The following SORCS2 variants were observed in gnomAD, a reference collection of about 807,000 sequenced individuals.
SORCS2 encodes sortilin related VPS10 domain containing receptor 2, also known as VPS10 domain-containing receptor SorCS2.
A neutral mutation model predicts 141.6 loss-of-function variants in SORCS2; 100 were observed. The ratio of observed to expected loss-of-function variants is 0.71; its 90% CI spans 0.60 to 0.83. SORCS2 has a LOEUF of 0.83. Among genes scored for constraint, SORCS2 ranks in the 40% least tolerant of loss-of-function variants. The pLI is 0.00. For missense variants in SORCS2, 1,646 were observed against 1,560.2 expected (o/e 1.05, Z -0.93); for synonymous variants, 789 against 676.9 (o/e 1.17, Z -2.57).
intron 2 of SORCS2, among the ~76,000 whole-genome samples, chr4:7,489,544 C>T (rs894761754): frequency 6.6e-6 from 1 of 151,994 alleles, no homozygotes; most frequent in Non-Finnish European, 1.5e-5. Context: ...CTCCTGGCCC[C>T]TGCAGATGTT....
chr4:7,418,847 A>G (rs1700198685), intron 2 of SORCS2, among the ~76,000 whole-genome samples: 1 of 152,006 alleles, frequency 6.6e-6, no homozygotes, highest in African/African-American at 2.4e-5. Context: ...GTAAGCAGCC[A>G]ATTATCTTGG....
chr4:7,264,683 T>G (rs2108830413), intron 1 of SORCS2, among the ~76,000 whole-genome samples: 1 of 152,328 alleles, frequency 6.6e-6, no homozygotes, highest in South Asian at 2.1e-4. Context: ...CCTGGGGCAT[T>G]GGGTGCTGGG....
chr4:7,202,775 C>T (rs73796485), intron 1 of SORCS2, among the ~76,000 whole-genome samples: 2,705 of 152,284 alleles, frequency 0.018, 102 homozygotes, highest in African/African-American at 0.06. Context: ...GTGATAACAT[C>T]TCCTAGGCCT....
chr4:7,648,156 T>G lies in SORCS2; in HGVS notation c.814-5978T>G. ...TGTGGTTGCAGGACCTGGTGGATGGTGGGAAGGAGGGAGGCCATTTACTGA... is the reference window on the plus strand; with the variant it reads ...TGTGGTTGCAGGACCTGGTGGATGGGGGGAAGGAGGGAGGCCATTTACTGA... On this transcript the variant is annotated intron_variant, in intron 4 of 26. Coordinates refer to ENST00000507866, the MANE Select transcript of SORCS2 (RefSeq NM_020777.3). The surrounding 1 kb of genome is among the most constrained non-coding windows in gnomAD (Gnocchi z 4.2). Among the ~76,000 whole-genome samples, 3 of 150,084 alleles carry G rather than the reference T, an allele frequency of 2.0e-5. No homozygotes were observed. The highest frequency in any genetic ancestry group is 3.0e-5 in the Non-Finnish European group (2 of 67,532).
intron 3 of SORCS2, among the ~76,000 whole-genome samples, chr4:7,563,730 G>A (rs1714764341): frequency 1.3e-5 from 2 of 152,178 alleles, no homozygotes; most frequent in African/African-American, 4.8e-5. Context: ...TTGCACAGAT[G>A]GAGTTTATTC....
At chr4:7,622,283 C>G (rs770589410) in intron 3 of SORCS2, among the ~76,000 whole-genome samples, 1 of 152,170 alleles carries the variant, frequency 6.6e-6, no homozygotes, top group Non-Finnish European at 1.5e-5. Flanking sequence ...AGAAGTGACT[C>G]GCGGTCTCGC....
intron 14 of SORCS2, among the ~76,000 whole-genome samples, chr4:7,707,906 G>GCACAGCTCA (rs148157929): frequency 0.029 from 4,349 of 152,212 alleles, 176 homozygotes; most frequent in African/African-American, 0.1. Context: ...GGCCCAGCCA[G>GCACAGCTCA]CACAGCTCAC....
chr4:7,682,609 G>A, intron 9 of SORCS2, 134 bp from the exon 10 acceptor site: 1 of 866,256 alleles, frequency 1.2e-6, no homozygotes, highest in East Asian at 2.7e-5. Flanking sequence ...ATGTGTCTCA[G>A]CTGCTGGACA....
At chr4:7,507,532 T>C (rs1283418183) in intron 2 of SORCS2, among the ~76,000 whole-genome samples, 1 of 151,406 alleles carries the variant, frequency 6.6e-6, no homozygotes, top group African/African-American at 2.5e-5. Flanking sequence ...AAAAATTTTC[T>C]AAAAATAGAA....
intron 2 of SORCS2, among the ~76,000 whole-genome samples, chr4:7,521,973 C>T (rs1733358431): frequency 6.6e-6 from 1 of 152,250 alleles, no homozygotes; most frequent in Non-Finnish European, 1.5e-5. Context: ...TTCAGTGGCA[C>T]AGTGACACAG....
At position 7,201,120 on chromosome 4, in the gene SORCS2, G is replaced by A. The variant is rs571576182; in HGVS notation, c.480+7994G>A. Among the ~76,000 whole-genome samples the A allele has an allele frequency of 9.2e-5, 14 of 152,328 alleles. No homozygotes were observed. In the East Asian group the frequency reaches 1.2e-3, roughly 13 times the overall value. Reference sequence around the variant, plus strand: ...GTGAATCTGCGCTGGGGAAGTCTGGGAAGATTTCCTGGAGGAGGTGAAGAT... The same window carrying A: ...GTGAATCTGCGCTGGGGAAGTCTGGAAAGATTTCCTGGAGGAGGTGAAGAT... On this transcript the variant is annotated intron_variant, in intron 1 of 26. Transcript: ENST00000507866. The surrounding 1 kb of genome is among the most constrained non-coding windows in gnomAD (Gnocchi z 4.4).
chr4:7,617,214 C>T (rs571067374), intron 3 of SORCS2, among the ~76,000 whole-genome samples: 1 of 152,258 alleles, frequency 6.6e-6, no homozygotes, highest in South Asian at 2.1e-4. Context: ...TTGGTTATCT[C>T]ATCTATCCAT....
intron 5 of SORCS2, among the ~76,000 whole-genome samples, chr4:7,660,957 C>T (rs1722123266): frequency 6.6e-6 from 1 of 152,162 alleles, no homozygotes; most frequent in Admixed American, 6.5e-5. Context: ...GACGGAGCAA[C>T]AGCTCAGGTG....
chr4:7,728,483 G>A, intron 22 of SORCS2, 21 bp downstream of exon 22: 1 of 1,567,874 alleles, frequency 6.4e-7, no homozygotes, highest in East Asian at 2.3e-5. Context: ...AGAGCCTAGA[G>A]CCTCCCCAGC....
chr4:7,676,264 C>A, intron 9 of SORCS2, 35 bp downstream of exon 9: 1 of 1,542,832 alleles, frequency 6.5e-7, no homozygotes, highest in South Asian at 1.2e-5. Context: ...AGGTCTGCCG[C>A]CGACCCCCTG....
intron 1 of SORCS2, among the ~76,000 whole-genome samples, chr4:7,306,127 C>T (rs1358936902): frequency 1.3e-5 from 2 of 152,184 alleles, no homozygotes; most frequent in Non-Finnish European, 2.9e-5. Context: ...CCCCATCCCA[C>T]GCTCCCTGAA....
At chr4:7,278,310 G>T (rs1392095855) in intron 1 of SORCS2, among the ~76,000 whole-genome samples, 1 of 152,200 alleles carries the variant, frequency 6.6e-6, no homozygotes, top group Non-Finnish European at 1.5e-5. Context: ...ATGTCTGCCT[G>T]GTTGGGACGA....
intron 1 of SORCS2, among the ~76,000 whole-genome samples, chr4:7,334,847 GC>G (rs1256106247): frequency 6.6e-6 from 1 of 152,162 alleles, no homozygotes; most frequent in Middle Eastern, 3.2e-3. Flanking sequence ...ATAGGAGTTG[GC>G]CTGTGGAGCT....
intron 4 of SORCS2, among the ~76,000 whole-genome samples, chr4:7,639,737 G>T (rs1470807305): frequency 2.0e-5 from 3 of 151,606 alleles, no homozygotes; most frequent in Non-Finnish European, 4.4e-5. Flanking sequence ...GTGTGGGTGT[G>T]AGACTGTGAA....
Sources: allele counts gnomAD v4.1 joint callset (sites outside exome capture counted in the v4.1 genomes callset), GRCh38; gene constraint gnomAD v4.1.1; non-coding constraint Gnocchi (gnomAD v3.1); transcripts MANE v1.5; gene names NCBI Gene and HGNC (gene_info 2026-07-23, HGNC 2026-07-21).